The following ITPK1 variants were observed in gnomAD, a reference collection of about 807,000 sequenced individuals.
ITPK1 encodes inositol 1,3,4-trisphosphate 5/6-kinase.
A neutral mutation model predicts 45.3 loss-of-function variants in ITPK1; 21 were observed. That is an observed-to-expected ratio of 0.46 (90% CI 0.33 to 0.67). ITPK1 has a LOEUF of 0.67. Ranked by LOEUF, ITPK1 falls within the 30% of genes least tolerant of loss-of-function variation. ITPK1 has a pLI of 0.02. For synonymous variants in ITPK1, 258 were observed against 253.6 expected (o/e 1.02, Z -0.16); for missense variants, 474 against 573.5 (o/e 0.83, Z 1.77).
At position 93,016,848 on chromosome 14, in the gene ITPK1, G is replaced by T; in HGVS notation, c.121-47C>A. 1 of 1,606,662 alleles carries T rather than the reference G, an allele frequency of 6.2e-7. No homozygotes were observed. The highest frequency in any genetic ancestry group is 1.1e-5 in the South Asian group (1 of 90,280). On this transcript the variant is annotated intron_variant, in intron 3 of 10. Coordinates refer to ENST00000267615, the MANE Select transcript of ITPK1 (RefSeq NM_014216.6). The surrounding 1 kb of genome is among the most constrained non-coding windows in gnomAD (Gnocchi z 5.0). Reference sequence around the variant, plus strand: ...CAAAAGCAACAACTTCAGCACCTGAGTCCACTGCCCCCATCCTCTTGTCCA... The same window carrying T: ...CAAAAGCAACAACTTCAGCACCTGATTCCACTGCCCCCATCCTCTTGTCCA...
intron 3 of ITPK1, among the ~76,000 whole-genome samples, chr14:93,023,093 T>C (rs1888552907): frequency 1.3e-5 from 2 of 152,220 alleles, no homozygotes; most frequent in African/African-American, 4.8e-5. Flanking sequence ...TTGGCCAGGC[T>C]GGTCTTGAAC....
At position 93,014,985 on chromosome 14, in the gene ITPK1, G is replaced by C. The variant is rs1209483282; in HGVS notation, c.246+1691C>G. ...GCCCAGGCATGGCTGTGCTCCTCCA[G>C]AGAATAAGCCCCAAGGGCACCACAG... On this transcript the variant is annotated intron_variant, in intron 4 of 10. Transcript: ENST00000267615. The surrounding 1 kb of genome is among the most constrained non-coding windows in gnomAD (Gnocchi z 4.4). Among the ~76,000 whole-genome samples the C allele has an allele frequency of 6.6e-6, 1 of 152,228 alleles. No homozygotes were observed. The highest frequency in any genetic ancestry group is 1.5e-5 in the Non-Finnish European group (1 of 68,034).
intron 9 of ITPK1, among the ~76,000 whole-genome samples, chr14:92,947,887 C>T (rs563747951): frequency 5.9e-5 from 9 of 152,280 alleles, no homozygotes; most frequent in African/African-American, 1.9e-4. Context: ...GAGCTGAGAA[C>T]GTGTACTCAA....
intron 3 of ITPK1, among the ~76,000 whole-genome samples, chr14:93,042,875 A>T (rs1350280315): frequency 6.6e-6 from 1 of 152,102 alleles, no homozygotes; most frequent in Non-Finnish European, 1.5e-5. Context: ...AGAATTACCC[A>T]GGCATGGTGG....
At chr14:92,970,809 A>AT (rs1188073874) in intron 5 of ITPK1, among the ~76,000 whole-genome samples, 4 of 151,642 alleles carry the variant, frequency 2.6e-5, no homozygotes, top group African/African-American at 7.3e-5. Flanking sequence ...ATTTTTTCAT[A>AT]TTTTTTTAGT....
chr14:93,098,382 G>T (rs568149416), intron 2 of ITPK1, among the ~76,000 whole-genome samples: 2 of 151,874 alleles, frequency 1.3e-5, no homozygotes, highest in African/African-American at 4.8e-5. Context: ...GCGTGAACCC[G>T]GGAGGCGGAG....
intron 3 of ITPK1, among the ~76,000 whole-genome samples, chr14:93,074,982 T>C (rs763467201): frequency 5.9e-5 from 9 of 152,144 alleles, no homozygotes; most frequent in Non-Finnish European, 8.8e-5. Flanking sequence ...AAGCCATTCC[T>C]GAATTCCAGT....
At chr14:93,038,098 G>A (rs1006385892) in intron 3 of ITPK1, among the ~76,000 whole-genome samples, 10 of 151,750 alleles carry the variant, frequency 6.6e-5, no homozygotes, top group African/African-American at 2.4e-4. Context: ...TGTTGCCCAG[G>A]CTAGAGTGCA....
chr14:92,949,354 C>A (rs1035835222), intron 9 of ITPK1, among the ~76,000 whole-genome samples: 1 of 152,228 alleles, frequency 6.6e-6, no homozygotes. Flanking sequence ...CCCGCCTTGG[C>A]CTCCCAAAGT....
intron 5 of ITPK1, among the ~76,000 whole-genome samples, chr14:92,968,119 C>A (rs894421918): frequency 9.2e-5 from 14 of 152,152 alleles, no homozygotes; most frequent in Admixed American, 5.2e-4. Context: ...CACCTGAAGT[C>A]AGGAGTTTGA....
intron 2 of ITPK1, among the ~76,000 whole-genome samples, chr14:93,077,750 C>A (rs761629600): frequency 2.0e-5 from 3 of 152,192 alleles, no homozygotes; most frequent in Admixed American, 2.0e-4. Context: ...TCAGCATAGC[C>A]TCTCCAGGAC....
chr14:93,073,696 C>T (rs1413004569), intron 3 of ITPK1, among the ~76,000 whole-genome samples: 1 of 152,164 alleles, frequency 6.6e-6, no homozygotes, highest in Non-Finnish European at 1.5e-5. Flanking sequence ...AACCTATGAA[C>T]ATGCAGAGGA....
chr14:93,040,212 C>T (rs1469737070), intron 3 of ITPK1, among the ~76,000 whole-genome samples: 1 of 152,248 alleles, frequency 6.6e-6, no homozygotes, highest in East Asian at 1.9e-4. Flanking sequence ...TAGCCACTTA[C>T]AGACCAGAAA....
intron 4 of ITPK1, chr14:92,998,815 G>A (rs756521323): frequency 1.3e-5 from 2 of 151,984 alleles, no homozygotes; most frequent in Non-Finnish European, 2.9e-5. Context: ...GAAAGACAAC[G>A]AGAGATTAAT....
intron 2 of ITPK1, among the ~76,000 whole-genome samples, chr14:93,099,845 T>C (rs1025119849): frequency 6.6e-6 from 1 of 151,950 alleles, no homozygotes; most frequent in East Asian, 1.9e-4. Flanking sequence ...TGGGGGTAGG[T>C]ACTCTCCACT....
intron 2 of ITPK1, among the ~76,000 whole-genome samples, chr14:93,113,724 G>A (rs897814625): frequency 3.5e-4 from 54 of 152,138 alleles, no homozygotes; most frequent in African/African-American, 8.7e-4. Flanking sequence ...TGAATTGCTG[G>A]GGCCACTCTG....
At position 93,016,516 on chromosome 14, in the gene ITPK1, T is replaced by C. The variant is rs1888186627; in HGVS notation, c.246+160A>G. On this transcript the variant is annotated intron_variant, in intron 4 of 10. Coordinates refer to ENST00000267615, the MANE Select transcript of ITPK1 (RefSeq NM_014216.6). This position sits in a 1 kb window ranked among gnomAD's most constrained non-coding sequence, Gnocchi z 5.0. The stretch of plus-strand genomic sequence containing the variant: ...CGAGGACACTGACGCCGCACAGAAG[T>C]ACCTGCCCACGAGCCCATGTCTTGC... Among the ~76,000 whole-genome samples, 1 of 152,140 alleles carries C rather than the reference T, an allele frequency of 6.6e-6. No homozygotes were observed. Among genetic ancestry groups the C allele is most frequent in the Non-Finnish European group, 1.5e-5 (1 of 68,012 alleles).
rs150077218 is a variant in ITPK1, at chr14:92,952,801, C to T, written c.671-788G>A. ...GTCTTTGGGGAGTAAGCCAAAGTCACTTGGGGAAAATGTCAGGTCGGTTGG... is the reference window on the plus strand; with the variant it reads ...GTCTTTGGGGAGTAAGCCAAAGTCATTTGGGGAAAATGTCAGGTCGGTTGG... On this transcript the variant is annotated intron_variant, in intron 8 of 10. Transcript: ENST00000267615. 8.9e-3 allele frequency among the ~76,000 whole-genome samples: 1,356 copies of T among 152,372 alleles called. 15 individuals are homozygous for T. Among genetic ancestry groups the T allele is most frequent in the African/African-American group, 0.031 (1,273 of 41,588 alleles).
rs1055633268 is a variant in ITPK1, at chr14:92,962,225, T to C, written c.504+130A>G. 7 of 755,024 alleles carry C rather than the reference T, an allele frequency of 9.3e-6. No individual in the cohort carries two copies. In the African/African-American group the frequency reaches 1.2e-4, roughly 13 times the overall value. 46.8% of individuals were successfully genotyped at this position (755,024 alleles called of 1,614,324 possible). On this transcript the variant is annotated intron_variant, in intron 7 of 10. Coordinates refer to ENST00000267615, the MANE Select transcript of ITPK1 (RefSeq NM_014216.6). ...GAGTCCAGGGAAGGGAAGGAGGCTA[T>C]CTACCAAGGAGCCAGGACTAACAGC...
Sources: allele counts gnomAD v4.1 joint callset (sites outside exome capture counted in the v4.1 genomes callset), GRCh38; gene constraint gnomAD v4.1.1; non-coding constraint Gnocchi (gnomAD v3.1); transcripts MANE v1.5; gene names NCBI Gene and HGNC (gene_info 2026-07-23, HGNC 2026-07-21).